Variants in NECTIN3 observed in about 807,000 individuals in gnomAD.
The protein encoded by NECTIN3 is nectin cell adhesion molecule 3.
Under a neutral mutation model 49.4 loss-of-function variants are expected in NECTIN3, and 8 were observed. The ratio of observed to expected loss-of-function variants is 0.16; its 90% confidence interval spans 0.10 to 0.29. The LOEUF is 0.29. NECTIN3 is among the 10% of genes least tolerant of loss of function. NECTIN3 has a pLI of 1.00. For missense variants in NECTIN3, 581 were observed against 654.6 expected (o/e 0.89, Z 1.23); for synonymous variants, 277 against 241.1 (o/e 1.15, Z -1.38).
chr3:111,125,045 T>C (rs1388750643), intron 4 of NECTIN3, among the ~76,000 whole-genome samples: 1 of 125,916 alleles, frequency 7.9e-6, no homozygotes, highest in Non-Finnish European at 1.5e-5. Context: ...TTTTTTTTTT[T>C]TGAGACAGAG....
intron 1 of NECTIN3, among the ~76,000 whole-genome samples, chr3:111,100,674 T>C (rs927004354): frequency 7.2e-5 from 11 of 152,130 alleles, no homozygotes; most frequent in African/African-American, 2.7e-4. Flanking sequence ...TAAAACTCAT[T>C]TAAATATTTA....
chr3:111,120,243 GT>G (rs958043894), intron 3 of NECTIN3, among the ~76,000 whole-genome samples: 5 of 149,170 alleles, frequency 3.4e-5, no homozygotes, highest in East Asian at 3.9e-4. Context: ...TTTTCAATTT[GT>G]TTTTTTTTGT....
At chr3:111,099,136 C>T (rs529620032) in intron 1 of NECTIN3, among the ~76,000 whole-genome samples, 12 of 152,270 alleles carry the variant, frequency 7.9e-5, no homozygotes, top group African/African-American at 2.9e-4. Context: ...TAACATCCAT[C>T]ATAAATGCTA....
upstream of NECTIN3, among the ~76,000 whole-genome samples, chr3:111,189,036 G>A (rs2035770056): frequency 6.6e-6 from 1 of 152,138 alleles, no homozygotes; most frequent in South Asian, 2.1e-4. Context: ...CAGAGGCTAT[G>A]TTCAAGATTT....
chr3:111,111,273 C>T (rs2033448750), intron 1 of NECTIN3, among the ~76,000 whole-genome samples: 1 of 152,016 alleles, frequency 6.6e-6, no homozygotes, highest in Non-Finnish European at 1.5e-5. Context: ...GAAGGAAAAA[C>T]GTATTATATT....
At chr3:111,190,203 A>G (rs2035790280), upstream of NECTIN3, among the ~76,000 whole-genome samples, 1 of 152,188 alleles carries the variant, frequency 6.6e-6, no homozygotes, top group South Asian at 2.1e-4. Flanking sequence ...CCTGCCTTGG[A>G]CTTTTACCAG....
At chr3:111,111,939 A>C in intron 1 of NECTIN3, 91 bp from the exon 2 acceptor site, 13 of 694,502 alleles carry the variant, frequency 1.9e-5, no homozygotes, top group Non-Finnish European at 3.0e-5. Flanking sequence ...GTGTGTAGCT[A>C]GAGATAGTTA....
chr3:111,188,669 C>T (rs887428028), upstream of NECTIN3, among the ~76,000 whole-genome samples: 1 of 152,206 alleles, frequency 6.6e-6, no homozygotes, highest in East Asian at 1.9e-4. Flanking sequence ...TTATTTATCT[C>T]TGTAGTTCCC....
At chr3:111,144,896 C>T (rs1254097235) in intron 5 of NECTIN3, 2 of 1,532,092 alleles carry the variant, frequency 1.3e-6, no homozygotes, top group Non-Finnish European at 1.7e-6. Context: ...TGTTACTTTA[C>T]AGATGTTCCA....
intron 1 of NECTIN3, among the ~76,000 whole-genome samples, chr3:111,102,281 A>G (rs1261668612): frequency 1.3e-5 from 2 of 152,172 alleles, no homozygotes; most frequent in African/African-American, 2.4e-5. Flanking sequence ...TAACTTTCCC[A>G]CTATCCACCC....
chr3:111,187,656 G>C (rs944179977), upstream of NECTIN3, among the ~76,000 whole-genome samples: 2 of 152,076 alleles, frequency 1.3e-5, no homozygotes, highest in African/African-American at 2.4e-5. Context: ...AAAAGACATG[G>C]GGTAACGTTA....
At chr3:111,085,306 C>G (rs1456901400) in intron 1 of NECTIN3, among the ~76,000 whole-genome samples, 1 of 152,152 alleles carries the variant, frequency 6.6e-6, no homozygotes, top group Non-Finnish European at 1.5e-5. Context: ...GCTGTGTAAG[C>G]TGTGAGATTT....
intron 2 of NECTIN3, among the ~76,000 whole-genome samples, chr3:111,116,952 T>C (rs142768868): frequency 4.6e-5 from 7 of 152,030 alleles, no homozygotes; most frequent in African/African-American, 1.7e-4. Flanking sequence ...TCTGATAAAG[T>C]TGAAAATAAG....
chr3:111,083,149 C>T (rs572178569), intron 1 of NECTIN3, among the ~76,000 whole-genome samples: 4 of 152,176 alleles, frequency 2.6e-5, no homozygotes, highest in Admixed American at 1.3e-4. Flanking sequence ...GCCACAGACT[C>T]GTACGGGGGT....
intron 3 of NECTIN3, among the ~76,000 whole-genome samples, chr3:111,121,794 T>C (rs2033966609): frequency 6.6e-6 from 1 of 152,232 alleles, no homozygotes; most frequent in Non-Finnish European, 1.5e-5. Context: ...TTTGTTCCTG[T>C]ATCTCTACAT....
chr3:111,134,997 A>G lies in NECTIN3; in HGVS notation c.*782A>G, dbSNP rs974144142. Reference sequence around the variant, plus strand: ...TTAGTTTTTTTTTTTCCTTTCTGGAACATGGATTTTGGTACATTAGCAGTA... The same window carrying G: ...TTAGTTTTTTTTTTTCCTTTCTGGAGCATGGATTTTGGTACATTAGCAGTA... On this transcript the variant is annotated 3_prime_UTR_variant, in exon 6 of 6. Transcript: ENST00000485303. The G allele has an allele frequency of 9.2e-6, 9 of 979,030 alleles. No individual in the cohort carries two copies. The East Asian group carries it at 8.0e-4, about 87-fold the overall frequency. 60.6% of individuals were successfully genotyped at this position (979,030 alleles called of 1,614,324 possible).
intron 7 of NECTIN3, among the ~76,000 whole-genome samples, chr3:111,186,605 TC>T (rs2035724270): frequency 6.6e-6 from 1 of 152,160 alleles, no homozygotes; most frequent in Non-Finnish European, 1.5e-5. Flanking sequence ...GATGAAATAA[TC>T]TGTACATTAG....
chr3:111,164,093 T>TA (rs1218060797), intron 7 of NECTIN3, among the ~76,000 whole-genome samples: 1 of 152,156 alleles, frequency 6.6e-6, no homozygotes. Context: ...TCATAATTGA[T>TA]ATATTGACAA....
intron 1 of NECTIN3, among the ~76,000 whole-genome samples, chr3:111,088,283 A>T (rs1422141374): frequency 6.6e-6 from 1 of 152,064 alleles, no homozygotes; most frequent in Non-Finnish European, 1.5e-5. Context: ...TCTCTGTACA[A>T]CCCAGCTGTC....
Sources: allele counts gnomAD v4.1 joint callset (sites outside exome capture counted in the v4.1 genomes callset), GRCh38; gene constraint gnomAD v4.1.1; transcripts MANE v1.5; gene names NCBI Gene and HGNC (gene_info 2026-07-23, HGNC 2026-07-21).